The following PACS2 variants were observed in gnomAD, a reference collection of about 807,000 sequenced individuals.
The protein encoded by PACS2 is PACS1-like protein.
A neutral mutation model predicts 113.0 loss-of-function variants in PACS2; 36 were observed. That is an observed-to-expected ratio of 0.32 (90% CI 0.24 to 0.42). PACS2 has a LOEUF of 0.42. Ranked by LOEUF, PACS2 falls within the 10% of genes least tolerant of loss-of-function variation. The pLI is 1.00. For synonymous variants in PACS2, 589 were observed against 536.1 expected, an observed-to-expected ratio of 1.10 and a Z score of -1.36; for missense variants, 1,015 against 1,239.5, an observed-to-expected ratio of 0.82 and a Z score of 2.72.
At chr14:105,320,483 TA>T (rs2058844401) in intron 1 of PACS2, among the ~76,000 whole-genome samples, 1 of 152,086 alleles carries the variant, frequency 6.6e-6, no homozygotes, top group African/African-American at 2.4e-5. Context: ...TAGCTGAGAC[TA>T]CAGGTGCATG....
In PACS2 at chr14:105,396,106, C is replaced by T. The variant is rs1555416585; in HGVS notation, c.*1434C>T. The stretch of plus-strand genomic sequence containing the variant: ...GCCCTGCTCTTCCTGGCCGCCCCCC[C>T]CAGGTGGCTGAACAGGGTGATTTTG... On this transcript the variant is annotated 3_prime_UTR_variant, in exon 25 of 25. Transcript: ENST00000447393. 6.6e-6 allele frequency: 1 copy of T among 152,458 alleles called. No individual in the cohort carries two copies. The highest frequency in any genetic ancestry group is 1.5e-5 in the Non-Finnish European group (1 of 68,230). 9.4% of individuals were successfully genotyped at this position (152,458 alleles called of 1,614,324 possible).
chr14:105,362,184 C>CGAG (rs2060717977), intron 4 of PACS2, among the ~76,000 whole-genome samples: 1 of 151,594 alleles, frequency 6.6e-6, no homozygotes. Context: ...TTTGGGAGGC[C>CGAG]ACGGTGGGCG....
intron 7 of PACS2, among the ~76,000 whole-genome samples, chr14:105,369,284 G>A (rs772395735): frequency 5.9e-5 from 9 of 152,248 alleles, no homozygotes; most frequent in Admixed American, 2.0e-4. Flanking sequence ...ACCAGCTTGA[G>A]CCTCCATTCC....
chr14:105,343,734 C>G (rs2059819458), intron 1 of PACS2, among the ~76,000 whole-genome samples: 1 of 148,534 alleles, frequency 6.7e-6, no homozygotes, highest in African/African-American at 2.5e-5. Flanking sequence ...CTTGCTCTGT[C>G]ACCCAGGCTA....
rs116194566 is a variant in PACS2, at chr14:105,330,462, A to G, written c.119+15425A>G. Among the ~76,000 whole-genome samples the G allele has an allele frequency of 6.6e-6, 1 of 152,290 alleles. No individual in the cohort carries two copies. The highest frequency in any genetic ancestry group is 2.4e-5 in the African/African-American group (1 of 41,562). On this transcript the variant is annotated intron_variant, in intron 1 of 24. Coordinates refer to ENST00000447393, the MANE Select transcript of PACS2 (RefSeq NM_001100913.3). The surrounding 1 kb of genome is among the most constrained non-coding windows in gnomAD (Gnocchi z 6.9). ...GCCTTAGACGAGGTCACACAGGGGA[A>G]GGTTACTGTGCCGCAGAGTTTTCTT...
In PACS2 at chr14:105,348,947, G is replaced by A. The variant is rs1052054552; in HGVS notation, c.207+367G>A. On this transcript the variant is annotated intron_variant, in intron 2 of 24. Coordinates refer to ENST00000447393, the MANE Select transcript of PACS2 (RefSeq NM_001100913.3). This position sits in a 1 kb window ranked among gnomAD's most constrained non-coding sequence, Gnocchi z 6.4. ...TTTTTGTGGGGTGGAGGGCGTCGGTGGGAGAGGGGAGCAGGGCACTCTGGG... is the reference window on the plus strand; with the variant it reads ...TTTTTGTGGGGTGGAGGGCGTCGGTAGGAGAGGGGAGCAGGGCACTCTGGG... 1.3e-5 allele frequency among the ~76,000 whole-genome samples: 2 copies of A among 152,222 alleles called. No homozygotes were observed. The highest frequency in any genetic ancestry group is 6.5e-5 in the Admixed American group (1 of 15,288).
chr14:105,384,573 G>A (rs1555413093), intron 17 of PACS2, 110 bp downstream of exon 17: 1 of 697,928 alleles, frequency 1.4e-6, no homozygotes, highest in Non-Finnish European at 2.5e-6. Flanking sequence ...CAGCCTCAGG[G>A]AAGAGGCCAT....
chr14:105,303,960 A>G (rs587642868), intron 1 of PACS2, among the ~76,000 whole-genome samples: 132 of 152,348 alleles, frequency 8.7e-4, no homozygotes, highest in Non-Finnish European at 1.3e-3. Context: ...CCAGAATCCA[A>G]TCTGAGGCCA....
chr14:105,362,677 G>A (rs1258553928), intron 4 of PACS2, among the ~76,000 whole-genome samples: 2 of 151,572 alleles, frequency 1.3e-5, no homozygotes, highest in African/African-American at 4.9e-5. Flanking sequence ...ATGTTGAAAT[G>A]CCATCTCTGC....
chr14:105,352,746 C>G (rs1465329988), intron 3 of PACS2, among the ~76,000 whole-genome samples: 1 of 140,576 alleles, frequency 7.1e-6, no homozygotes, highest in African/African-American at 2.7e-5. Context: ...GGGTGACGGG[C>G]ACCCCCATCA....
At chr14:105,359,946 A>G (rs2060614307) in intron 4 of PACS2, among the ~76,000 whole-genome samples, 1 of 152,172 alleles carries the variant, frequency 6.6e-6, no homozygotes, top group African/African-American at 2.4e-5. Flanking sequence ...TTCTGTGTTT[A>G]AATGTGTTTA....
At chr14:105,391,839 C>T (rs2141307906) in intron 22 of PACS2, 73 bp downstream of exon 22, 3 of 1,417,992 alleles carry the variant, frequency 2.1e-6, no homozygotes, top group East Asian at 2.6e-5. Flanking sequence ...AGTCATCCTC[C>T]CCTATGTCAC....
intron 17 of PACS2, 70 bp downstream of exon 17, chr14:105,384,533 T>C (rs2081106759): frequency 1.1e-6 from 1 of 944,146 alleles, no homozygotes; most frequent in Non-Finnish European, 1.7e-6. Flanking sequence ...CCAGATGCTG[T>C]GCCCAGGAGG....
chr14:105,342,047 T>C (rs1262158962), intron 1 of PACS2, among the ~76,000 whole-genome samples: 1 of 152,166 alleles, frequency 6.6e-6, no homozygotes, highest in Non-Finnish European at 1.5e-5. Context: ...GTAAGGAACG[T>C]GAGCTTCTGG....
chr14:105,373,827 A>G (rs984213083), intron 8 of PACS2, among the ~76,000 whole-genome samples: 1 of 151,602 alleles, frequency 6.6e-6, no homozygotes, highest in African/African-American at 2.4e-5. Flanking sequence ...CTCACACCAT[A>G]TTCAAGAATT....
rs782809990 is a variant in PACS2 at position 105,392,863 on chromosome 14, A to G, written c.2482+18A>G. 6 of 1,559,082 alleles carry G rather than the reference A, an allele frequency of 3.8e-6. No homozygotes were observed. The highest frequency in any genetic ancestry group is 1.1e-5 in the South Asian group (1 of 90,262). On this transcript the variant is annotated intron_variant, in intron 23 of 24. Transcript: ENST00000447393. ...CAAGAAGGGTGAGGTGGGGCAGGCT[A>G]TAAGGCCACACGGCGCAGAAGGGCG...
intron 1 of PACS2, among the ~76,000 whole-genome samples, chr14:105,344,243 G>T (rs1371398061): frequency 6.6e-6 from 1 of 151,308 alleles, no homozygotes; most frequent in Non-Finnish European, 1.5e-5. Context: ...GGTTGAATTT[G>T]CCTGGAAGTT....
Position 105,347,998 on chromosome 14 carries a change from G to A in PACS2, c.120-495G>A, listed in dbSNP as rs782301344. ...GTGGCCTCAGGACGGAATGATGGAGGTGAAATGAACAGAAGGAAGGTTGGG... is the reference window on the plus strand; with the variant it reads ...GTGGCCTCAGGACGGAATGATGGAGATGAAATGAACAGAAGGAAGGTTGGG... On this transcript the variant is annotated intron_variant, in intron 1 of 24. Transcript: ENST00000447393. Among the ~76,000 whole-genome samples, 15 of 152,176 alleles carry A rather than the reference G, an allele frequency of 9.9e-5. No homozygotes were observed. The South Asian group carries it at 1.7e-3, about 17-fold the overall frequency.
chr14:105,306,644 C>T lies in PACS2; in HGVS notation c.-83+5665C>T, dbSNP rs587684281. On this transcript the variant is annotated intron_variant, in intron 1 of 23. Transcript: ENST00000430725. ...TTTTTGAGACTGAGTCTCGCTGTGT[C>T]GCCCAGGCTGTAGTGCAATGGCACG... Among the ~76,000 whole-genome samples the T allele has an allele frequency of 5.9e-4, 90 of 151,652 alleles. 1 individual carries two copies. Among genetic ancestry groups the T allele is most frequent in the African/African-American group, 2.0e-3 (84 of 41,340 alleles).
Sources: allele counts gnomAD v4.1 joint callset (sites outside exome capture counted in the v4.1 genomes callset), GRCh38; gene constraint gnomAD v4.1.1; non-coding constraint Gnocchi (gnomAD v3.1); transcripts MANE v1.5; gene names NCBI Gene and HGNC (gene_info 2026-07-23, HGNC 2026-07-21).